The following RARB variants were observed in gnomAD, a reference collection of about 807,000 sequenced individuals.
The protein encoded by RARB is retinoic acid receptor beta, also known as HBV-activated protein.
Under a neutral mutation model 51.9 loss-of-function variants are expected in RARB, and 17 were observed. That is an observed-to-expected ratio of 0.33 (90% CI 0.22 to 0.49). The LOEUF (loss-of-function observed/expected upper bound fraction) is 0.49, where lower values mean the gene tolerates loss of function less well. RARB is among the 20% of genes least tolerant of loss of function. The pLI is 0.99. For synonymous variants in RARB, 215 were observed against 195.4 expected (o/e 1.10, Z -0.84); for missense variants, 369 against 550.8 (o/e 0.67, Z 3.30).
intron 5 of RARB, among the ~76,000 whole-genome samples, chr3:25,277,355 C>T (rs897685805): frequency 6.6e-6 from 1 of 152,168 alleles, no homozygotes; most frequent in East Asian, 1.9e-4. Context: ...ACTCCAGGAG[C>T]TCCAAAGAAC....
At chr3:25,397,095 A>C (rs868517364) in intron 5 of RARB, among the ~76,000 whole-genome samples, 1 of 152,050 alleles carries the variant, frequency 6.6e-6, no homozygotes, top group Non-Finnish European at 1.5e-5. Context: ...AATTATTACA[A>C]ATTTCAGCTG....
At chr3:25,045,341 G>C (rs922068948) in intron 2 of RARB, among the ~76,000 whole-genome samples, 1 of 152,170 alleles carries the variant, frequency 6.6e-6, no homozygotes, top group Non-Finnish European at 1.5e-5. Flanking sequence ...GAAGACTGGG[G>C]TTCTGCAGTG....
chr3:25,501,405 C>T, intron 3 of RARB, 82 bp downstream of exon 3: 1 of 1,518,860 alleles, frequency 6.6e-7, no homozygotes, highest in Non-Finnish European at 8.9e-7. Context: ...GTGGAATTCA[C>T]ACACGACACT....
intron 3 of RARB, among the ~76,000 whole-genome samples, chr3:25,566,074 G>T (rs1385662417): frequency 1.3e-5 from 2 of 152,160 alleles, no homozygotes; most frequent in African/African-American, 4.8e-5. Context: ...ATAGTCCCAA[G>T]AACTTGGACA....
rs6765351 is a variant in RARB, at chr3:25,059,397, G to T, written c.-379-728G>T. On this transcript the variant is annotated intron_variant, in intron 2 of 11. Transcript: ENST00000383772. ...ATATCCCCCAGAAAAAAACCATACC[G>T]ATATACACTTCCACTAGCTGGAAAT... Among the ~76,000 whole-genome samples, 7 of 151,472 alleles carry T rather than the reference G, an allele frequency of 4.6e-5. 1 individual carries two copies. In the South Asian group the frequency reaches 1.2e-3, roughly 27 times the overall value.
chr3:25,313,886 G>T (rs535619457), intron 5 of RARB, among the ~76,000 whole-genome samples: 1 of 151,930 alleles, frequency 6.6e-6, no homozygotes, highest in Non-Finnish European at 1.5e-5. Context: ...CCTGGGCAAC[G>T]TAGTGAGACC....
chr3:25,011,332 T>A (rs2125280020), intron 2 of RARB, among the ~76,000 whole-genome samples: 1 of 152,218 alleles, frequency 6.6e-6, no homozygotes, highest in East Asian at 1.9e-4. Context: ...AGATCTCCAC[T>A]GAGAAGGTGA....
intron 3 of RARB, among the ~76,000 whole-genome samples, chr3:25,095,108 A>T (rs1387413758): frequency 1.3e-5 from 2 of 152,104 alleles, no homozygotes; most frequent in East Asian, 1.9e-4. Flanking sequence ...TAATCTCAAG[A>T]TTGAGTGGCT....
chr3:25,045,702 A>T (rs62228516), intron 2 of RARB, among the ~76,000 whole-genome samples: 11,956 of 152,310 alleles, frequency 0.078, 494 homozygotes, highest in Middle Eastern at 0.099. Flanking sequence ...GGAATACAAA[A>T]TTCATTGTTA....
chr3:25,418,728 G>A (rs767646555), intron 5 of RARB, among the ~76,000 whole-genome samples: 11 of 152,208 alleles, frequency 7.2e-5, no homozygotes, highest in East Asian at 1.9e-4. Flanking sequence ...ATTCATAACC[G>A]AAGAGAAGGA....
intron 4 of RARB, among the ~76,000 whole-genome samples, chr3:25,578,178 C>G (rs1404457669): frequency 6.6e-6 from 1 of 152,242 alleles, no homozygotes; most frequent in Admixed American, 6.5e-5. Context: ...CCAACCCAAG[C>G]AGGCCAGGGC....
At chr3:25,248,752 T>G (rs1188069822) in intron 5 of RARB, among the ~76,000 whole-genome samples, 2 of 152,180 alleles carry the variant, frequency 1.3e-5, no homozygotes, top group Non-Finnish European at 2.9e-5. Context: ...ATTTAAAATG[T>G]ATCATTCTGT....
At chr3:24,977,352 G>A (rs534236404) in intron 2 of RARB, among the ~76,000 whole-genome samples, 13 of 152,182 alleles carry the variant, frequency 8.5e-5, no homozygotes, top group South Asian at 4.2e-4. Flanking sequence ...TACTCTGGGC[G>A]GTATGGAGAC....
At chr3:25,375,447 C>G (rs1458944099) in intron 5 of RARB, among the ~76,000 whole-genome samples, 1 of 152,138 alleles carries the variant, frequency 6.6e-6, no homozygotes, top group East Asian at 1.9e-4. Flanking sequence ...TACTAAGGAG[C>G]TTTGCAATAA....
intron 2 of RARB, among the ~76,000 whole-genome samples, chr3:24,917,302 GGA>G (rs1491482487): frequency 3.3e-5 from 5 of 151,922 alleles, no homozygotes; most frequent in African/African-American, 1.2e-4. Context: ...GATTCATAGA[GGA>G]AAAAAACTGA....
chr3:25,357,061 C>G (rs1012064262), intron 5 of RARB, among the ~76,000 whole-genome samples: 1 of 152,168 alleles, frequency 6.6e-6, no homozygotes, highest in African/African-American at 2.4e-5. Context: ...AATGGTATTT[C>G]TAGTTCTAGA....
chr3:25,333,159 A>G (rs1420277572), intron 5 of RARB, among the ~76,000 whole-genome samples: 3 of 152,196 alleles, frequency 2.0e-5, no homozygotes, highest in African/African-American at 7.2e-5. Flanking sequence ...CTTTCTTCAC[A>G]GAATTGGAAA....
intron 5 of RARB, among the ~76,000 whole-genome samples, chr3:25,232,125 C>T (rs542366117): frequency 6.6e-5 from 10 of 152,002 alleles, no homozygotes; most frequent in Non-Finnish European, 1.3e-4. Flanking sequence ...TACAAAACAG[C>T]CTTTGCACTT....
intron 4 of RARB, among the ~76,000 whole-genome samples, chr3:25,167,744 G>C (rs919336967): frequency 1.3e-5 from 2 of 152,144 alleles, no homozygotes; most frequent in African/African-American, 4.8e-5. Flanking sequence ...TATACCATAG[G>C]GTGGTAGTGG....
Sources: gnomAD v4.1 joint callset for allele counts (sites outside exome capture counted in the v4.1 genomes callset) on GRCh38, gnomAD v4.1.1 for gene constraint, MANE v1.5 for transcripts, NCBI Gene and HGNC (gene_info 2026-07-23, HGNC 2026-07-21) for gene names.